ASTN2: variants seen among roughly 807,000 people sequenced by gnomAD.
ASTN2 encodes astrotactin 2.
Under a neutral mutation model 139.8 loss-of-function variants are expected in ASTN2, and 54 were observed. The observed-to-expected ratio is 0.39, with a 90% CI of 0.31 to 0.48. The LOEUF is 0.48. Among genes scored for constraint, ASTN2 ranks in the 20% least tolerant of loss-of-function variants. The probability of loss-of-function intolerance (pLI) is 0.95; values close to 1 mark genes in which losing one functional copy is unlikely to be tolerated. For synonymous variants in ASTN2, 756 were observed against 719.5 expected, an observed-to-expected ratio of 1.05 and a Z score of -0.81; for missense variants, 1,565 against 1,725.1, an observed-to-expected ratio of 0.91 and a Z score of 1.64.
intron 19 of ASTN2, among the ~76,000 whole-genome samples, chr9:116,504,611 CAATT>C (rs1850026787): frequency 6.6e-6 from 1 of 152,046 alleles, no homozygotes; most frequent in South Asian, 2.1e-4. Flanking sequence ...ATAACAGTGA[CAATT>C]GATATAACTT....
rs184360308 is a variant in ASTN2, at chr9:117,053,502, T to A, written c.1277-13537A>T. On this transcript the variant is annotated intron_variant, in intron 5 of 22. Coordinates refer to ENST00000313400, the MANE Select transcript of ASTN2 (RefSeq NM_001365068.1). ...GGGGGTAAATAGCATTATGCTCATT[T>A]TAGAAATGAGAAAAATGAAGCCTGG... Among the ~76,000 whole-genome samples, 24 of 152,162 alleles carry A rather than the reference T, an allele frequency of 1.6e-4. No individual in the cohort carries two copies. In the East Asian group the frequency reaches 4.4e-3, roughly 28 times the overall value.
intron 5 of ASTN2, among the ~76,000 whole-genome samples, chr9:117,042,576 T>C (rs941421914): frequency 1.3e-5 from 2 of 152,034 alleles, no homozygotes; most frequent in Non-Finnish European, 2.9e-5. Flanking sequence ...CAGAGAAAAA[T>C]GAACATGATT....
intron 6 of ASTN2, among the ~76,000 whole-genome samples, chr9:117,020,355 G>A (rs998664118): frequency 8.2e-4 from 122 of 149,516 alleles, no homozygotes; most frequent in African/African-American, 2.9e-3. Context: ...TTTTTTTTTG[G>A]TCTCTAGCTA....
chr9:117,212,654 A>G (rs981527489), intron 3 of ASTN2, among the ~76,000 whole-genome samples: 2 of 152,222 alleles, frequency 1.3e-5, no homozygotes, highest in Admixed American at 6.5e-5. Flanking sequence ...TTCTCAAAAG[A>G]CATACAAGTG....
At chr9:117,013,012 C>T (rs956820907) in intron 6 of ASTN2, among the ~76,000 whole-genome samples, 9 of 152,176 alleles carry the variant, frequency 5.9e-5, no homozygotes, top group South Asian at 2.1e-4. Flanking sequence ...TGACTGTCTG[C>T]TCCCCTCCCC....
At chr9:116,670,962 A>G (rs1859159748) in intron 16 of ASTN2, among the ~76,000 whole-genome samples, 1 of 152,198 alleles carries the variant, frequency 6.6e-6, no homozygotes, top group Non-Finnish European at 1.5e-5. Context: ...TTTCCATATC[A>G]ACTCAAGGAA....
chr9:116,639,158 T>C (rs1179868827), intron 17 of ASTN2, among the ~76,000 whole-genome samples: 2 of 152,204 alleles, frequency 1.3e-5, no homozygotes, highest in African/African-American at 2.4e-5. Flanking sequence ...GGGTAGCAGA[T>C]CCTGGGATTT....
At chr9:117,396,152 T>C (rs1408490786) in intron 1 of ASTN2, among the ~76,000 whole-genome samples, 1 of 152,218 alleles carries the variant, frequency 6.6e-6, no homozygotes, top group Admixed American at 6.5e-5. Context: ...TCTCTGGGAT[T>C]CTGTTTCCTC....
chr9:116,491,114 T>C (rs1336368103), intron 19 of ASTN2, among the ~76,000 whole-genome samples: 1 of 152,228 alleles, frequency 6.6e-6, no homozygotes, highest in African/African-American at 2.4e-5. Flanking sequence ...ACCTGCAGTA[T>C]ATGCAGTATA....
intron 1 of ASTN2, among the ~76,000 whole-genome samples, chr9:117,363,070 T>C (rs1261674774): frequency 6.6e-6 from 1 of 152,172 alleles, no homozygotes; most frequent in African/African-American, 2.4e-5. Context: ...GATGCCAGCC[T>C]GCAATGCCTC....
chr9:117,146,537 C>G (rs1467979182), intron 3 of ASTN2, among the ~76,000 whole-genome samples: 1 of 147,718 alleles, frequency 6.8e-6, no homozygotes, highest in Non-Finnish European at 1.5e-5. Flanking sequence ...GAAGAGAAGA[C>G]AAGAAAGAGG....
intron 3 of ASTN2, among the ~76,000 whole-genome samples, chr9:117,203,441 T>G (rs896219043): frequency 1.4e-4 from 22 of 152,100 alleles, no homozygotes; most frequent in Non-Finnish European, 4.4e-5. Flanking sequence ...TTTTTAGCAT[T>G]TTTTCATTGA....
chr9:117,264,647 G>A (rs1206665327), intron 2 of ASTN2, among the ~76,000 whole-genome samples: 2 of 152,130 alleles, frequency 1.3e-5, no homozygotes, highest in African/African-American at 4.8e-5. Context: ...GAAGGAGGGA[G>A]AAAATAAAAA....
Position 116,948,785 on chromosome 9 carries a change from G to GGTTTTTTTTTTTGTTTTT in ASTN2, c.1889+26422_1889+26423insAAAAACAAAAAAAAAAAC, listed in dbSNP as rs1835470645. 1.0e-4 allele frequency among the ~76,000 whole-genome samples: 5 copies of GGTTTTTTTTTTTGTTTTT among 49,474 alleles called. 1 individual carries two copies. Among genetic ancestry groups the GGTTTTTTTTTTTGTTTTT allele is most frequent in the Non-Finnish European group, 1.3e-4 (4 of 29,802 alleles). The allele number at this position is 49,474 out of a possible 152,430, so 32.5% of individuals were successfully genotyped here. A position where few individuals can be genotyped will look rare whatever the true frequency, so the allele number is the denominator to read the frequency against. On this transcript the variant is annotated intron_variant, in intron 10 of 22. Coordinates refer to ENST00000313400, the MANE Select transcript of ASTN2 (RefSeq NM_001365068.1). ...AGAGAGAGGAGAGAAATAATTTGGT[G>GGTTTTTTTTTTTGTTTTT]TTTTTTTTTTTTTTTTTTTTTTTTT... is the stretch of plus-strand genomic sequence containing the variant.
chr9:116,546,076 T>TA (rs1266289312), intron 19 of ASTN2: 1 of 151,980 alleles, frequency 6.6e-6, no homozygotes, highest in Non-Finnish European at 1.5e-5. Context: ...AGGGAGGAGA[T>TA]AAAGATGAGA....
At chr9:117,001,834 T>C (rs939609860) in intron 7 of ASTN2, among the ~76,000 whole-genome samples, 10 of 152,166 alleles carry the variant, frequency 6.6e-5, no homozygotes, top group African/African-American at 2.2e-4. Flanking sequence ...TTTTTGATAA[T>C]AGCTATATAT....
At chr9:116,622,866 A>G (rs1856235130) in intron 17 of ASTN2, among the ~76,000 whole-genome samples, 1 of 152,216 alleles carries the variant, frequency 6.6e-6, no homozygotes, top group South Asian at 2.1e-4. Context: ...ACAAATGTCT[A>G]TTCTCTAGCC....
intron 19 of ASTN2, chr9:116,611,730 A>ATC (rs1564153023): frequency 1.3e-5 from 2 of 152,048 alleles, no homozygotes; most frequent in East Asian, 3.8e-4. Context: ...AAGTAAATCT[A>ATC]TATCTATTAA....
chr9:117,003,953 C>CGCGCGCGCGCGCGCGTGTGTGTGTGT (rs1218309835), intron 7 of ASTN2, among the ~76,000 whole-genome samples: 2 of 146,226 alleles, frequency 1.4e-5, no homozygotes, highest in African/African-American at 5.2e-5. Context: ...CGCGCGCGCG[C>CGCGCGCGCGCGCGCGTGTGTGTGTGT]GTGTGTGTGT....
Sources: allele counts gnomAD v4.1 joint callset (sites outside exome capture counted in the v4.1 genomes callset), GRCh38; gene constraint gnomAD v4.1.1; transcripts MANE v1.5; gene names NCBI Gene and HGNC (gene_info 2026-07-23, HGNC 2026-07-21).